STEAP3: variants seen among roughly 807,000 people sequenced by gnomAD.
STEAP3 encodes the protein STEAP3 metalloreductase.
In STEAP3, 35 loss-of-function variants were observed where a neutral mutation model predicts 34.9. The observed-to-expected ratio is 1.00, with a 90% confidence interval of 0.76 to 1.33. The LOEUF is 1.33. Ranked by LOEUF, STEAP3 falls within the 40% of genes most tolerant of loss-of-function variation. The pLI is 0.00. For missense variants in STEAP3, 652 were observed against 667.6 expected, an observed-to-expected ratio of 0.98 and a Z score of 0.26; for synonymous variants, 281 against 301.6, an observed-to-expected ratio of 0.93 and a Z score of 0.71.
Position 119,245,633 on chromosome 2 carries a change from G to T in STEAP3, c.167G>T (p.Arg56Leu). The T allele has an allele frequency of 1.9e-6, 3 of 1,611,100 alleles. No homozygotes were observed. Among genetic ancestry groups the T allele is most frequent in the Non-Finnish European group, 2.5e-6 (3 of 1,177,520 alleles). ...SGDFARSLAT[R>L]LVGSGFKVVV... Reference sequence around the variant, plus strand: ...GACTTTGCCCGCTCCCTGGCCACACGCCTGGTGGGCTCTGGCTTCAAAGTG... The same window carrying T: ...GACTTTGCCCGCTCCCTGGCCACACTCCTGGTGGGCTCTGGCTTCAAAGTG... Residue 56 changes from arginine to leucine, a missense_variant, in exon 3 of 6, where the codon CGC becomes CTC. Coordinates refer to ENST00000393110, the MANE Select transcript of STEAP3 (RefSeq NM_182915.3).
In STEAP3 at chr2:119,248,175, G is replaced by A. The variant is rs199836424; in HGVS notation, c.1019G>A (p.Arg340His). The A allele has an allele frequency of 1.9e-3, 3,093 of 1,597,200 alleles. 7 individuals carry two copies. The highest frequency in any genetic ancestry group is 2.6e-3 in the South Asian group (239 of 90,300). ...TGCTTGCCGCTGCGCCGCGCCCACCGCTACGACCTGGTCAACCTGGCAGTC... is the reference window on the plus strand; with the variant it reads ...TGCTTGCCGCTGCGCCGCGCCCACCACTACGACCTGGTCAACCTGGCAGTC... ...SFCLPLRRAH[R>H]YDLVNLAVKQ... The change falls in exon 4 of 6, where the codon CGC (arginine) becomes CAC (histidine). Residue 340 changes from arginine to histidine, a missense_variant. By Grantham distance (29) the Arg-to-His change is conservative. Coordinates refer to ENST00000393110, the MANE Select transcript of STEAP3 (RefSeq NM_182915.3).
intron 5 of STEAP3, 47 bp downstream of exon 5, chr2:119,254,895 C>A: frequency 6.3e-7 from 1 of 1,591,506 alleles, no homozygotes; most frequent in South Asian, 1.1e-5. Context: ...TGGCCCTGGC[C>A]CACCTCTCAT....
Position 119,238,225 on chromosome 2 carries a change from G to A in STEAP3, c.22+7191G>A, listed in dbSNP as rs55818014. Among the ~76,000 whole-genome samples, 1,446 of 152,324 alleles carry A rather than the reference G, an allele frequency of 9.5e-3. 30 individuals are homozygous for A. Among genetic ancestry groups the A allele is most frequent in the African/African-American group, 0.033 (1,369 of 41,552 alleles). On this transcript the variant is annotated intron_variant, in intron 2 of 5. Coordinates refer to ENST00000393110, the MANE Select transcript of STEAP3 (RefSeq NM_182915.3). Reference sequence around the variant, plus strand: ...GTTTAACGTTTTGAAGAATTCCCAGGCTGTTCTCCACGGTGCCTGCACCAT... The same window carrying A: ...GTTTAACGTTTTGAAGAATTCCCAGACTGTTCTCCACGGTGCCTGCACCAT...
At chr2:119,237,434 C>A (rs1677123955) in intron 2 of STEAP3, among the ~76,000 whole-genome samples, 1 of 152,172 alleles carries the variant, frequency 6.6e-6, no homozygotes, top group South Asian at 2.1e-4. Flanking sequence ...ACAGTGAGAA[C>A]TAACAGGGAA....
intron 5 of STEAP3, among the ~76,000 whole-genome samples, chr2:119,262,099 G>A (rs1214651166): frequency 6.6e-6 from 1 of 152,130 alleles, no homozygotes; most frequent in Non-Finnish European, 1.5e-5. Flanking sequence ...TCTATACGGT[G>A]CCAGGTCACC....
chr2:119,247,631 C>T, intron 3 of STEAP3, 48 bp from the exon 4 acceptor site: 2 of 1,493,258 alleles, frequency 1.3e-6, no homozygotes, highest in Non-Finnish European at 1.8e-6. Context: ...GCCCTGCCCA[C>T]TCCTGTGGCC....
intron 1 of STEAP3, among the ~76,000 whole-genome samples, chr2:119,227,659 C>T (rs979729195): frequency 1.3e-5 from 2 of 152,068 alleles, no homozygotes; most frequent in Admixed American, 6.6e-5. Flanking sequence ...ATTATAAAGC[C>T]GACTTCGGTA....
At chr2:119,238,067 T>C (rs1442839390) in intron 2 of STEAP3, among the ~76,000 whole-genome samples, 2 of 152,268 alleles carry the variant, frequency 1.3e-5, no homozygotes, top group Non-Finnish European at 2.9e-5. Flanking sequence ...CATTCCTCAG[T>C]TGATGGACGT....
Position 119,248,197 on chromosome 2 carries a change from A to C in STEAP3, c.1041A>C (p.Ala347=). 2.5e-6 allele frequency: 4 copies of C among 1,585,354 alleles called. No homozygotes were observed. Among genetic ancestry groups the C allele is most frequent in the Non-Finnish European group, 3.4e-6 (4 of 1,164,332 alleles). The change falls in exon 4 of 6, where the codon GCA becomes GCC. Residue 347 remains alanine, a synonymous_variant. Transcript: ENST00000393110. ...ACCGCTACGACCTGGTCAACCTGGC[A>C]GTCAAGCAGGTACCCACCCCATGCC... The part of the protein sequence containing the change: ...RAHRYDLVNL[A]VKQVLANKSH...
chr2:119,256,021 C>T (rs909241114), intron 5 of STEAP3, among the ~76,000 whole-genome samples: 2 of 152,194 alleles, frequency 1.3e-5, no homozygotes, highest in Non-Finnish European at 2.9e-5. Flanking sequence ...AACTCCTCCC[C>T]TCCCATGAGT....
Position 119,248,090 on chromosome 2 carries a change from C to T in STEAP3, c.934C>T (p.Arg312Cys), listed in dbSNP as rs1279915275. Residue 312 changes from arginine to cysteine, a missense_variant, in exon 4 of 6, where the codon CGC becomes TGC. Arg to Cys is a radical substitution (Grantham distance 180). Transcript: ENST00000393110. ...CTGGCTGGACCACTGGCTACAGCAC[C>T]GCAAGCAGATCGGGCTGCTCAGCTT... ...PDWLDHWLQH[R>C]KQIGLLSFFC... 6 of 1,608,464 alleles carry T rather than the reference C, an allele frequency of 3.7e-6. No homozygotes were observed. The highest frequency in any genetic ancestry group is 1.1e-5 in the South Asian group (1 of 91,086).
intron 4 of STEAP3, 162 bp downstream of exon 4, chr2:119,248,368 C>G: frequency 1.3e-6 from 1 of 786,792 alleles, no homozygotes; most frequent in South Asian, 1.9e-5. Context: ...TCCTCCTGCC[C>G]AAGATTTTGA....
chr2:119,234,722 T>C (rs1291295138), intron 2 of STEAP3, among the ~76,000 whole-genome samples: 1 of 152,212 alleles, frequency 6.6e-6, no homozygotes. Context: ...GACTGTGCAC[T>C]GCACGCCTCC....
intron 2 of STEAP3, among the ~76,000 whole-genome samples, chr2:119,236,071 G>A (rs1290040766): frequency 6.6e-6 from 1 of 152,174 alleles, no homozygotes; most frequent in Non-Finnish European, 1.5e-5. Context: ...AAATGGGCAT[G>A]TACCTCCAGG....
At chr2:119,229,315 G>C (rs1679143493) in intron 1 of STEAP3, among the ~76,000 whole-genome samples, 2 of 152,100 alleles carry the variant, frequency 1.3e-5, no homozygotes, top group Non-Finnish European at 2.9e-5. Context: ...GCTAATTTTT[G>C]TATTATTAGT....
intron 5 of STEAP3, chr2:119,257,348 CAG>C (rs1677802903): frequency 7.5e-7 from 1 of 1,328,106 alleles, no homozygotes; most frequent in African/African-American, 1.5e-5. Flanking sequence ...CTTGGAGAAA[CAG>C]AGATAACCCA....
intron 4 of STEAP3, among the ~76,000 whole-genome samples, chr2:119,252,513 C>T (rs1677655004): frequency 6.6e-6 from 1 of 152,190 alleles, no homozygotes; most frequent in Non-Finnish European, 1.5e-5. Context: ...GACCTGCAAC[C>T]TAGAGGGAAA....
rs1292950108 is a variant in STEAP3, at chr2:119,263,665, T to C, written c.*327T>C. The C allele has an allele frequency of 2.4e-6, 1 of 415,856 alleles. No homozygotes were observed. The highest frequency in any genetic ancestry group is 2.0e-5 in the African/African-American group (1 of 49,214). 25.8% of individuals were successfully genotyped at this position (415,856 alleles called of 1,614,324 possible). ...AAGAGCAGATCATGCTATTGTGACATTTGCAGAGATATACACACACTTTTT... is the reference window on the plus strand; with the variant it reads ...AAGAGCAGATCATGCTATTGTGACACTTGCAGAGATATACACACACTTTTT... On this transcript the variant is annotated 3_prime_UTR_variant, in exon 6 of 6. Coordinates refer to ENST00000393110, the MANE Select transcript of STEAP3 (RefSeq NM_182915.3).
chr2:119,229,601 A>G (rs959761967), intron 1 of STEAP3, among the ~76,000 whole-genome samples: 1 of 152,212 alleles, frequency 6.6e-6, no homozygotes, highest in African/African-American at 2.4e-5. Context: ...CGGAATTCAC[A>G]CACATCTCTG....
Sources: gnomAD v4.1 joint callset for allele counts (sites outside exome capture counted in the v4.1 genomes callset) on GRCh38, gnomAD v4.1.1 for gene constraint, MANE v1.5 for transcripts, NCBI Gene and HGNC (gene_info 2026-07-23, HGNC 2026-07-21) for gene names.